MYOF: variants seen among roughly 807,000 people sequenced by gnomAD.
MYOF encodes fer-1-like 3, myoferlin.
MYOF carries 244 observed loss-of-function variants against 284.2 expected under a neutral mutation model. The observed-to-expected ratio is 0.86, with a 90% CI of 0.77 to 0.95. The LOEUF (loss-of-function observed/expected upper bound fraction) is 0.95. Ranked by LOEUF, MYOF falls within the 40% of genes least tolerant of loss-of-function variation. The pLI is 0.00. For synonymous variants in MYOF, 904 were observed against 919.7 expected (o/e 0.98, Z 0.31); for missense variants, 2,496 against 2,560.6 (o/e 0.97, Z 0.54).
chr10:93,308,605 T>G (rs1842238405), intron 53 of MYOF, among the ~76,000 whole-genome samples: 1 of 141,494 alleles, frequency 7.1e-6, no homozygotes, highest in African/African-American at 2.6e-5. Flanking sequence ...AAAAAAGCAG[T>G]TTGACCAGCT....
intron 7 of MYOF, among the ~76,000 whole-genome samples, chr10:93,404,717 A>T (rs913516827): frequency 6.6e-6 from 1 of 151,806 alleles, no homozygotes; most frequent in Admixed American, 6.6e-5. Context: ...ATGAGCGCTT[A>T]GAGCTGGCAT....
intron 16 of MYOF, among the ~76,000 whole-genome samples, chr10:93,395,738 G>C (rs1391408459): frequency 6.6e-6 from 1 of 151,712 alleles, no homozygotes; most frequent in South Asian, 2.1e-4. Flanking sequence ...GTTGAGAAGG[G>C]AGTATTATTT....
rs756871250 is a variant in MYOF at position 93,389,036 on chromosome 10, A to C, written c.1575T>G (p.Thr525=). 1.9e-6 allele frequency: 3 copies of C among 1,612,360 alleles called. No individual in the cohort carries two copies. The highest frequency in any genetic ancestry group is 1.3e-5 in the African/African-American group (1 of 74,840). Residue 525 remains threonine (T), a synonymous_variant, in exon 18 of 54, where the codon ACT becomes ACG. Coordinates refer to ENST00000359263, the MANE Select transcript of MYOF (RefSeq NM_013451.4). ...CCTTAATTGAGAAACCAACCTTTCC[A>C]GTATTCAGCTCATCATAGGGGTCTG... ...GFPDPYDELN[T]GKGEGVAYRG...
At position 93,328,788 on chromosome 10, in the gene MYOF, T is replaced by C; in HGVS notation, c.5106A>G (p.Gly1702=). Residue 1702 remains glycine, a synonymous_variant, in exon 45 of 54, where the codon GGA becomes GGG. Coordinates refer to ENST00000359263, the MANE Select transcript of MYOF (RefSeq NM_013451.4). ...SEDGSRIRYG[G]RDYSLDEFEA... Reference sequence around the variant, plus strand: ...CAAATTCATCCAAGCTGTAGTCTCGTCCTCCATATCTGATTCTACTCCCAT... The same window carrying C: ...CAAATTCATCCAAGCTGTAGTCTCGCCCTCCATATCTGATTCTACTCCCAT... 6.2e-7 allele frequency: 1 copy of C among 1,613,064 alleles called. No homozygotes were observed. The highest frequency in any genetic ancestry group is 8.5e-7 in the Non-Finnish European group (1 of 1,179,110).
At chr10:93,470,284 TA>T (rs1388683738) in intron 1 of MYOF, among the ~76,000 whole-genome samples, 2 of 151,288 alleles carry the variant, frequency 1.3e-5, no homozygotes, top group Non-Finnish European at 2.9e-5. Context: ...AGGAATATGT[TA>T]AAATTAAATA....
intron 29 of MYOF, among the ~76,000 whole-genome samples, chr10:93,357,343 G>A (rs1025071751): frequency 3.3e-5 from 5 of 152,176 alleles, no homozygotes; most frequent in Admixed American, 3.3e-4. Context: ...TGTTATTTCT[G>A]TAATAACTAA....
chr10:93,332,215 C>G (rs1843337852), intron 43 of MYOF, among the ~76,000 whole-genome samples: 1 of 129,786 alleles, frequency 7.7e-6, no homozygotes, highest in Non-Finnish European at 1.6e-5. Flanking sequence ...AGTTCAAATC[C>G]TCATTCTTTT....
intron 5 of MYOF, among the ~76,000 whole-genome samples, chr10:93,413,348 T>C (rs145248901): frequency 9.2e-5 from 14 of 152,204 alleles, no homozygotes; most frequent in African/African-American, 3.4e-4. Flanking sequence ...AACCTCCCCT[T>C]TATGTGGCAG....
At chr10:93,349,296 G>C (rs2133880441) in intron 36 of MYOF, among the ~76,000 whole-genome samples, 1 of 152,318 alleles carries the variant, frequency 6.6e-6, no homozygotes, top group South Asian at 2.1e-4. Flanking sequence ...CCAGAGGGTA[G>C]CCTCAATGGA....
intron 27 of MYOF, among the ~76,000 whole-genome samples, chr10:93,361,991 C>T (rs949235977): frequency 2.0e-5 from 3 of 152,196 alleles, no homozygotes; most frequent in Non-Finnish European, 4.4e-5. Flanking sequence ...CTCTGTTGCC[C>T]AGGCTGGAGT....
chr10:93,402,471 C>T, intron 10 of MYOF, 124 bp from the exon 11 acceptor site: 1 of 735,432 alleles, frequency 1.4e-6, no homozygotes, highest in Admixed American at 2.2e-5. Flanking sequence ...CCAAATTCCC[C>T]AGATGAGTGT....
intron 5 of MYOF, among the ~76,000 whole-genome samples, chr10:93,425,264 A>G (rs1848531871): frequency 6.6e-6 from 1 of 152,152 alleles, no homozygotes; most frequent in East Asian, 1.9e-4. Flanking sequence ...TCAAGGAAGC[A>G]GGTGAGTGTG....
chr10:93,342,676 C>G (rs555084447), intron 38 of MYOF, among the ~76,000 whole-genome samples: 1 of 152,248 alleles, frequency 6.6e-6, no homozygotes, highest in Admixed American at 6.5e-5. Context: ...CTCAGTTGTT[C>G]TTAGGGCTAC....
chr10:93,425,200 C>A (rs1325467032), intron 5 of MYOF, among the ~76,000 whole-genome samples: 1 of 152,090 alleles, frequency 6.6e-6, no homozygotes, highest in African/African-American at 2.4e-5. Flanking sequence ...CTTGGCCTCC[C>A]AAAGTGTTGG....
intron 31 of MYOF, among the ~76,000 whole-genome samples, 192 bp downstream of exon 31, chr10:93,355,436 A>T (rs1469015418): frequency 6.6e-6 from 1 of 152,134 alleles, no homozygotes; most frequent in Non-Finnish European, 1.5e-5. Context: ...AATACAAAAA[A>T]TTAGCCAGGC....
chr10:93,459,993 T>C (rs1242492343), intron 1 of MYOF, among the ~76,000 whole-genome samples: 1 of 151,998 alleles, frequency 6.6e-6, no homozygotes, highest in African/African-American at 2.4e-5. Flanking sequence ...AGAGAGAAGA[T>C]AGGAGATTCC....
chr10:93,381,122 C>T (rs1414027425), intron 20 of MYOF, 97 bp downstream of exon 20: 12 of 1,313,982 alleles, frequency 9.1e-6, no homozygotes, highest in Middle Eastern at 2.5e-4. Flanking sequence ...CCATAGGCTG[C>T]GTAGAACAGT....
In MYOF at chr10:93,310,173, T is replaced by C; in HGVS notation, c.6000-6A>G. 7 of 1,613,860 alleles carry C rather than the reference T, an allele frequency of 4.3e-6. No homozygotes were observed. The highest frequency in any genetic ancestry group is 1.1e-5 in the South Asian group (1 of 91,068). On this transcript the variant is annotated splice_polypyrimidine_tract_variant and splice_region_variant and intron_variant, in intron 52 of 53. Transcript: ENST00000359263. The stretch of plus-strand genomic sequence containing the variant: ...GGAAGGAGGTTTCTGGTCGACTGCA[T>C]TGCAAAGAAACAGTATCACCTACCC...
intron 22 of MYOF, among the ~76,000 whole-genome samples, chr10:93,376,267 G>A (rs1336457785): frequency 2.0e-5 from 3 of 152,158 alleles, no homozygotes; most frequent in Non-Finnish European, 4.4e-5. Flanking sequence ...ATTCCCCAGA[G>A]TGAGACTTTG....
Sources: allele counts gnomAD v4.1 joint callset (sites outside exome capture counted in the v4.1 genomes callset), GRCh38; gene constraint gnomAD v4.1.1; transcripts MANE v1.5; gene names NCBI Gene and HGNC (gene_info 2026-07-23, HGNC 2026-07-21).